Variants in CEP131 observed in about 807,000 individuals in gnomAD.
CEP131 encodes centrosomal protein of 131 kDa.
A neutral mutation model predicts 136.8 loss-of-function variants in CEP131; 99 were observed. That is an observed-to-expected ratio of 0.72 (90% CI 0.62 to 0.86). The LOEUF is 0.86. Among genes scored for constraint, CEP131 ranks in the 40% least tolerant of loss-of-function variants. The pLI is 0.00. For missense variants in CEP131, 1,459 were observed against 1,463.0 expected, an observed-to-expected ratio of 1.00 and a Z score of 0.04; for synonymous variants, 646 against 612.7, an observed-to-expected ratio of 1.05 and a Z score of -0.80.
chr17:81,193,882 CGCCCTGAGGGTCCTG>C (rs2061695532), intron 18 of CEP131, 29 bp downstream of exon 18: 6 of 1,522,588 alleles, frequency 3.9e-6, no homozygotes, highest in Non-Finnish European at 5.3e-6. Flanking sequence ...TCCGACTCCC[CGCCCTGAGGGTCCTG>C]GCCCCACCGG....
Position 81,215,663 on chromosome 17 carries a change from C to T in CEP131, c.177+4217G>A, listed in dbSNP as rs558066087. Among the ~76,000 whole-genome samples, 1 of 152,210 alleles carries T rather than the reference C, an allele frequency of 6.6e-6. No individual in the cohort carries two copies. The highest frequency in any genetic ancestry group is 2.1e-4 in the South Asian group (1 of 4,814). The stretch of plus-strand genomic sequence containing the variant: ...CTGACCTCAAGCAATCTGCCCACCT[C>T]GGCGTCCCAAAGTGCTGGGATTACA... On this transcript the variant is annotated intron_variant, in intron 2 of 25. Coordinates refer to ENST00000450824, the MANE Select transcript of CEP131 (RefSeq NM_014984.4). This position sits in a 1 kb window ranked among gnomAD's most constrained non-coding sequence, Gnocchi z 4.1.
chr17:81,205,859 C>T (rs1018319196), intron 5 of CEP131, among the ~76,000 whole-genome samples: 19 of 152,068 alleles, frequency 1.2e-4, no homozygotes, highest in African/African-American at 4.6e-4. Context: ...TGATCGTGGA[C>T]TCCAGTCAGG....
At position 81,202,407 on chromosome 17, in the gene CEP131, T is replaced by C; in HGVS notation, c.630-9A>G. 6.2e-7 allele frequency: 1 copy of C among 1,611,806 alleles called. No homozygotes were observed. The highest frequency in any genetic ancestry group is 1.3e-5 in the African/African-American group (1 of 74,998). ...CTGCCTTGATGATGTTGCTGACAGG[T>C]AAGAAGAAAACACCCTCGTCTCACC... On this transcript the variant is annotated splice_polypyrimidine_tract_variant and intron_variant, in intron 6 of 25. Transcript: ENST00000450824.
chr17:81,191,458 C>A lies in CEP131; in HGVS notation c.2623-123G>T, dbSNP rs905282659. On this transcript the variant is annotated intron_variant, in intron 21 of 25. Transcript: ENST00000450824. ...CACAGGGGAGCAAGGGGCCTTCCCC[C>A]TCTCCAGACCCCTGTCCAGGGGTGC... 4 of 865,928 alleles carry A rather than the reference C, an allele frequency of 4.6e-6. 1 individual carries two copies. In the South Asian group the frequency reaches 6.1e-5, roughly 13 times the overall value. The allele number at this position is 865,928 out of a possible 1,614,324, so 53.6% of individuals were successfully genotyped here.
At chr17:81,191,818 C>G (rs2279921) in intron 21 of CEP131, among the ~76,000 whole-genome samples, 13,009 of 152,244 alleles carry the variant, frequency 0.085, 731 homozygotes, top group African/African-American at 0.16. Flanking sequence ...CCTGGCTGCT[C>G]GGTGACATCC....
At chr17:81,200,148 G>T in intron 8 of CEP131, 181 bp downstream of exon 8, 1 of 623,018 alleles carries the variant, frequency 1.6e-6, no homozygotes, top group Non-Finnish European at 2.8e-6. Context: ...CCTGAGGACC[G>T]CCAGTGAGGA....
chr17:81,208,027 CCA>C lies in CEP131; in HGVS notation c.273-790_273-789del, dbSNP rs939570118. The stretch of plus-strand genomic sequence containing the variant: ...GACACACACCACTCACACCACACAC[CCA>C]CACACCACACACCCCCCACACACAC... On this transcript the variant is annotated intron_variant, in intron 3 of 25. Transcript: ENST00000450824. The surrounding 1 kb of genome is among the most constrained non-coding windows in gnomAD (Gnocchi z 5.6). Among the ~76,000 whole-genome samples, 1 of 50,488 alleles carries C rather than the reference CCA, an allele frequency of 2.0e-5. No homozygotes were observed. The highest frequency in any genetic ancestry group is 4.3e-5 in the Non-Finnish European group (1 of 23,406). The allele number at this position is 50,488 out of a possible 152,430, so 33.1% of individuals were successfully genotyped here. A position where few individuals can be genotyped will look rare whatever the true frequency, so the allele number is the denominator to read the frequency against.
chr17:81,192,915 C>CG, intron 18 of CEP131, 72 bp from the exon 19 acceptor site: 1 of 1,535,688 alleles, frequency 6.5e-7, no homozygotes, highest in Non-Finnish European at 8.7e-7. Context: ...CGCAGGGGCA[C>CG]GGGCCGACCA....
intron 5 of CEP131, among the ~76,000 whole-genome samples, chr17:81,205,917 A>G (rs1040367740): frequency 6.6e-6 from 1 of 152,168 alleles, no homozygotes; most frequent in Non-Finnish European, 1.5e-5. Flanking sequence ...TTAAAAAGCA[A>G]GAATTGAGCT....
intron 5 of CEP131, among the ~76,000 whole-genome samples, chr17:81,204,576 A>G (rs2061963071): frequency 6.6e-6 from 1 of 152,108 alleles, no homozygotes; most frequent in South Asian, 2.1e-4. Flanking sequence ...AAGAACCACC[A>G]AGACATCTGG....
At position 81,189,677 on chromosome 17, in the gene CEP131, G is replaced by A. The variant is rs1187250568; in HGVS notation, c.*92C>T. 3 of 1,337,904 alleles carry A rather than the reference G, an allele frequency of 2.2e-6. No homozygotes were observed. Among genetic ancestry groups the A allele is most frequent in the Non-Finnish European group, 3.0e-6 (3 of 985,768 alleles). 82.9% of individuals were successfully genotyped at this position (1,337,904 alleles called of 1,614,324 possible). ...GCATCTCAACCACCAGCCTCTGTGGGGGGCAGGTGGGCGTCCCTGTGGGCC... is the reference window on the plus strand; with the variant it reads ...GCATCTCAACCACCAGCCTCTGTGGAGGGCAGGTGGGCGTCCCTGTGGGCC... On this transcript the variant is annotated 3_prime_UTR_variant, in exon 26 of 26. Coordinates refer to ENST00000450824, the MANE Select transcript of CEP131 (RefSeq NM_014984.4).
chr17:81,195,279 T>A (rs80268990), intron 16 of CEP131, among the ~76,000 whole-genome samples: 12,084 of 151,848 alleles, frequency 0.08, 611 homozygotes, highest in African/African-American at 0.14. Flanking sequence ...GAGCCTGCAT[T>A]CTTCCATGGG....
Position 81,194,051 on chromosome 17 carries a change from C to T in CEP131, c.2196G>A (p.Ala732=), listed in dbSNP as rs766628233. ...EVRRLKSLHE[A]ELLQSDERAS... is the part of the protein sequence containing the mutation. The stretch of plus-strand genomic sequence containing the variant: ...CCCGCTCATCCGACTGCAGCAGCTC[C>T]GCCTCGTGCAGGCTCTTGAGCCTCC... Residue 732 remains alanine (A), a synonymous_variant, in exon 18 of 26, where the codon GCG becomes GCA. Transcript: ENST00000450824. 4 of 1,583,822 alleles carry T rather than the reference C, an allele frequency of 2.5e-6. No homozygotes were observed. The highest frequency in any genetic ancestry group is 2.3e-5 in the East Asian group (1 of 43,316).
rs1264431472 is a variant in CEP131, at chr17:81,194,980, C to T, written c.2017-8G>A. The T allele has an allele frequency of 1.2e-6, 2 of 1,605,036 alleles. No individual in the cohort carries two copies. The highest frequency in any genetic ancestry group is 2.2e-5 in the South Asian group (2 of 90,992). Reference sequence around the variant, plus strand: ...TTTGAGTTTTTTAATCTCCTACGAGCAGAACAGGGCAGGAGGAAACGACAC... The same window carrying T: ...TTTGAGTTTTTTAATCTCCTACGAGTAGAACAGGGCAGGAGGAAACGACAC... On this transcript the variant is annotated splice_polypyrimidine_tract_variant and splice_region_variant and intron_variant, in intron 16 of 25. Transcript: ENST00000450824.
chr17:81,191,407 G>A, intron 21 of CEP131, 72 bp from the exon 22 acceptor site: 1 of 1,458,726 alleles, frequency 6.9e-7, no homozygotes, highest in Admixed American at 1.7e-5. Context: ...GCCTCAGGGG[G>A]TCCTGGGGGG....
intron 24 of CEP131, among the ~76,000 whole-genome samples, chr17:81,190,230 C>T (rs1168109258): frequency 6.6e-6 from 1 of 152,152 alleles, no homozygotes; most frequent in Non-Finnish European, 1.5e-5. Flanking sequence ...GGACACCTCG[C>T]CCACACCCAC....
intron 1 of CEP131, among the ~76,000 whole-genome samples, chr17:81,221,477 C>T (rs1327844844): frequency 1.3e-5 from 2 of 152,222 alleles, no homozygotes; most frequent in African/African-American, 2.4e-5. Flanking sequence ...ACATCCAACT[C>T]CTGCAAGATC....
chr17:81,190,885 C>T (rs1310577336), intron 23 of CEP131, 22 bp downstream of exon 23: 1 of 1,595,982 alleles, frequency 6.3e-7, no homozygotes, highest in African/African-American at 1.3e-5. Context: ...GCCCACTGCC[C>T]ACCTGACACC....
At position 81,192,905 on chromosome 17, in the gene CEP131, C is replaced by T. The variant is rs962624159; in HGVS notation, c.2322-62G>A. On this transcript the variant is annotated intron_variant, in intron 18 of 25. Coordinates refer to ENST00000450824, the MANE Select transcript of CEP131 (RefSeq NM_014984.4). ...ACGGGCGGTCCCAGGACCCACCCAC[C>T]GCAGGGGCACGGGCCGACCACAGGC... 147 of 1,548,916 alleles carry T rather than the reference C, an allele frequency of 9.5e-5. 1 individual carries two copies. The East Asian group carries it at 1.4e-3, about 15-fold the overall frequency.
Sources: gnomAD v4.1 joint callset for allele counts (sites outside exome capture counted in the v4.1 genomes callset) on GRCh38, gnomAD v4.1.1 for gene constraint, Gnocchi (gnomAD v3.1) non-coding constraint, MANE v1.5 for transcripts, NCBI Gene and HGNC (gene_info 2026-07-23, HGNC 2026-07-21) for gene names.